BNC2: variants seen among roughly 807,000 people sequenced by gnomAD.
The protein encoded by BNC2 is zinc finger protein basonuclin-2.
In BNC2, 20 loss-of-function variants were observed where a neutral mutation model predicts 76.3. The ratio of observed to expected loss-of-function variants is 0.26; its 90% CI spans 0.18 to 0.38. BNC2 has a LOEUF of 0.38. BNC2 is among the 10% of genes least tolerant of loss of function. The pLI is 1.00. For synonymous variants in BNC2, 582 were observed against 514.8 expected, an observed-to-expected ratio of 1.13 and a Z score of -1.77; for missense variants, 1,382 against 1,399.8, an observed-to-expected ratio of 0.99 and a Z score of 0.20.
intron 1 of BNC2, among the ~76,000 whole-genome samples, chr9:16,850,404 G>A (rs942297896): frequency 1.1e-4 from 17 of 152,294 alleles, no homozygotes; most frequent in Admixed American, 8.5e-4. Context: ...ATTTAAAGAA[G>A]CTCCATAACT....
chr9:16,442,695 C>T (rs766243883), intron 5 of BNC2, among the ~76,000 whole-genome samples: 4 of 152,186 alleles, frequency 2.6e-5, no homozygotes, highest in Non-Finnish European at 5.9e-5. Flanking sequence ...CAGGCTACAA[C>T]TCACATCACA....
At chr9:16,848,794 C>T (rs992530573) in intron 1 of BNC2, among the ~76,000 whole-genome samples, 3 of 152,206 alleles carry the variant, frequency 2.0e-5, no homozygotes, top group African/African-American at 7.2e-5. Context: ...TAAAATCCCA[C>T]ACTTTTTGAG....
At chr9:16,651,612 A>G (rs1474326584) in intron 3 of BNC2, among the ~76,000 whole-genome samples, 2 of 152,198 alleles carry the variant, frequency 1.3e-5, no homozygotes, top group Non-Finnish European at 2.9e-5. Flanking sequence ...TGATGTATTT[A>G]TAATACAGCT....
At chr9:16,765,668 G>T (rs576872080) in intron 1 of BNC2, among the ~76,000 whole-genome samples, 5 of 152,026 alleles carry the variant, frequency 3.3e-5, no homozygotes, top group Non-Finnish European at 7.3e-5. Flanking sequence ...TTTTCCATGG[G>T]CTATAATCAG....
chr9:16,515,786 C>G lies in BNC2; in HGVS notation c.669+36744G>C, dbSNP rs770735682. Among the ~76,000 whole-genome samples the G allele has an allele frequency of 1.3e-4, 20 of 148,560 alleles. 1 individual carries two copies. Among genetic ancestry groups the G allele is most frequent in the South Asian group, 8.7e-4 (4 of 4,588 alleles). ...AAGCTTGACATTCTCAAATCATAACCATATGACTTTCAATTCCATGCTAAA... is the reference window on the plus strand; with the variant it reads ...AAGCTTGACATTCTCAAATCATAACGATATGACTTTCAATTCCATGCTAAA... On this transcript the variant is annotated intron_variant, in intron 5 of 6. Transcript: ENST00000380672.
intron 4 of BNC2, among the ~76,000 whole-genome samples, chr9:16,579,351 C>A (rs969365486): frequency 1.3e-5 from 2 of 151,974 alleles, no homozygotes; most frequent in Non-Finnish European, 2.9e-5. Flanking sequence ...GGCATGATCT[C>A]AGCTCACTGC....
At chr9:16,575,626 G>T (rs1461923355) in intron 4 of BNC2, among the ~76,000 whole-genome samples, 1 of 152,192 alleles carries the variant, frequency 6.6e-6, no homozygotes, top group African/African-American at 2.4e-5. Flanking sequence ...TTATGAGGAT[G>T]TCTTCCCTTT....
chr9:16,819,395 G>C (rs1316330666), intron 1 of BNC2, among the ~76,000 whole-genome samples: 2 of 152,184 alleles, frequency 1.3e-5, no homozygotes, highest in East Asian at 3.9e-4. Flanking sequence ...GGGCACAATG[G>C]CTCATGCCTG....
chr9:16,458,051 A>T (rs928200547), intron 5 of BNC2, among the ~76,000 whole-genome samples: 1 of 152,150 alleles, frequency 6.6e-6, no homozygotes, highest in Non-Finnish European at 1.5e-5. Context: ...TTATTTGAGC[A>T]CAGAGAGGTG....
At chr9:16,561,248 A>AC (rs1238296709) in intron 4 of BNC2, among the ~76,000 whole-genome samples, 8 of 151,982 alleles carry the variant, frequency 5.3e-5, no homozygotes, top group African/African-American at 1.9e-4. Context: ...CAAAAAAAAA[A>AC]AAACAAAACC....
intron 3 of BNC2, among the ~76,000 whole-genome samples, chr9:16,699,491 T>C (rs778090452): frequency 6.6e-6 from 1 of 152,212 alleles, no homozygotes; most frequent in African/African-American, 2.4e-5. Context: ...GTAAGACTTC[T>C]GCAAGAGTGA....
At chr9:16,468,172 C>T (rs1282660134) in intron 5 of BNC2, among the ~76,000 whole-genome samples, 1 of 151,236 alleles carries the variant, frequency 6.6e-6, no homozygotes, top group African/African-American at 2.4e-5. Flanking sequence ...CTCCAAAGTG[C>T]TAGGATTATA....
intron 3 of BNC2, among the ~76,000 whole-genome samples, chr9:16,598,472 C>G (rs779432662): frequency 6.6e-6 from 1 of 152,182 alleles, no homozygotes. Flanking sequence ...TCAGAAATCA[C>G]TGCCTTAGTC....
In BNC2 at chr9:16,436,195, C is replaced by T. The variant is rs138848086; in HGVS notation, c.1999G>A (p.Val667Ile). The T allele has an allele frequency of 6.2e-7, 1 of 1,614,052 alleles. No homozygotes were observed. The highest frequency in any genetic ancestry group is 1.3e-5 in the African/African-American group (1 of 74,916). ...TGATTGTCATGGCTCATGTCATTGA[C>T]CACAGCTCCACCATCATTGGGGTCA... is the stretch of plus-strand genomic sequence containing the variant. ...DDDPNDGGAV[V>I]NDMSHDNHCH... is the part of the protein sequence containing the mutation. The change falls in exon 6 of 7, where the codon GTC becomes ATC. Residue 667 changes from valine to isoleucine, a missense_variant. This residue lies in a region of BNC2 where 798 missense variants were observed against 775.5 expected (regional missense o/e 1.03). Transcript: ENST00000380672.
intron 5 of BNC2, among the ~76,000 whole-genome samples, chr9:16,506,087 AG>A (rs1822616502): frequency 6.6e-6 from 1 of 152,210 alleles, no homozygotes. Flanking sequence ...GGGCCATGAA[AG>A]CTTTTAAAAA....
At chr9:16,627,423 G>A (rs904551983) in intron 3 of BNC2, among the ~76,000 whole-genome samples, 5 of 151,908 alleles carry the variant, frequency 3.3e-5, no homozygotes, top group Admixed American at 2.6e-4. Context: ...ATATGGTTCG[G>A]CCTGTGCAGT....
At chr9:16,464,353 T>C (rs1821658677) in intron 5 of BNC2, among the ~76,000 whole-genome samples, 3 of 151,982 alleles carry the variant, frequency 2.0e-5, no homozygotes, top group Non-Finnish European at 2.9e-5. Context: ...AGGATTAAGA[T>C]TAAATATTAC....
Position 16,431,552 on chromosome 9 carries a change from G to C in BNC2, c.2639+4003C>G, listed in dbSNP as rs1487846385. The C allele has an allele frequency of 6.8e-6, 3 of 440,406 alleles. No individual in the cohort carries two copies. In the Admixed American group the frequency reaches 7.4e-5, roughly 11 times the overall value. 27.3% of individuals were successfully genotyped at this position (440,406 alleles called of 1,614,324 possible). A position where few individuals can be genotyped will look rare whatever the true frequency, so the allele number is the denominator to read the frequency against. ...CAGCCTCCTGTTCCTTAACAGAACA[G>C]CACCTCAGCAGCAGACAGATCAAGG... On this transcript the variant is annotated intron_variant, in intron 6 of 6. Transcript: ENST00000380672.
intron 5 of BNC2, among the ~76,000 whole-genome samples, chr9:16,548,974 T>G (rs1462396680): frequency 6.6e-6 from 1 of 152,182 alleles, no homozygotes; most frequent in Non-Finnish European, 1.5e-5. Context: ...CTCACATAGG[T>G]GAAAATTAAC....
Sources: allele counts gnomAD v4.1 joint callset (sites outside exome capture counted in the v4.1 genomes callset), GRCh38; gene constraint gnomAD v4.1.1; regional missense constraint gnomAD v4.1.1; transcripts MANE v1.5; gene names NCBI Gene and HGNC (gene_info 2026-07-23, HGNC 2026-07-21).